The following CALCA variants were observed in gnomAD, a reference collection of about 807,000 sequenced individuals.
CALCA encodes the protein calcitonin related polypeptide alpha.
In CALCA, 4 loss-of-function variants were observed where a neutral mutation model predicts 6.9. That is an observed-to-expected ratio of 0.58 (90% CI 0.29 to 1.33). CALCA has a LOEUF of 1.33. Ranked by LOEUF, CALCA falls within the 40% of genes most tolerant of loss-of-function variation. The probability of loss-of-function intolerance (pLI) is 0.09; values close to 1 mark genes in which losing one functional copy is unlikely to be tolerated. For missense variants in CALCA, 174 were observed against 178.3 expected (o/e 0.98, Z 0.14); for synonymous variants, 78 against 70.0 (o/e 1.11, Z -0.57).
chr11:14,970,846 G>C (rs1453815756), intron 2 of CALCA, among the ~76,000 whole-genome samples: 5 of 152,176 alleles, frequency 3.3e-5, no homozygotes, highest in African/African-American at 1.2e-4. Flanking sequence ...GTTGCAGTGA[G>C]CCGACACGGT....
At chr11:14,968,209 C>T, downstream of CALCA, 1 of 360,938 alleles carries the variant, frequency 2.8e-6, no homozygotes, top group East Asian at 6.7e-5. Context: ...GCCCCATTCA[C>T]AAAGGACTAT....
At position 14,969,958 on chromosome 11, in the gene CALCA, C is replaced by T. The variant is rs782073611; in HGVS notation, c.204G>A (p.Gln68=). ...ACCTGGAGCCCTCTCTCTCTTGCTC[C>T]TGCTCCAGCTCACTGGCCTTCATCT... The part of the protein sequence containing the change: ...YVQMKASELE[Q]EQEREGSSLD... Residue 68 remains glutamine (Q), a synonymous_variant, in exon 3 of 4, where the codon CAG becomes CAA. Transcript: ENST00000331587. 9 of 1,613,420 alleles carry T rather than the reference C, an allele frequency of 5.6e-6. No homozygotes were observed. Among genetic ancestry groups the T allele is most frequent in the Non-Finnish European group, 7.6e-6 (9 of 1,180,052 alleles).
At chr11:14,971,061 T>C in intron 2 of CALCA, 46 bp downstream of exon 2, 1 of 1,509,404 alleles carries the variant, frequency 6.6e-7, no homozygotes, top group Non-Finnish European at 9.2e-7. Flanking sequence ...TTAAGAGGCA[T>C]GGAATTGTCT....
Position 14,970,086 on chromosome 11 carries a change from G to A in CALCA, c.87-11C>T. On this transcript the variant is annotated splice_polypyrimidine_tract_variant and intron_variant, in intron 2 of 3. Transcript: ENST00000331587. ...CTCTCCAGGGCAGACCTGTGGAGGG[G>A]AAGCAAACTCAGTGCAGGCTGTGAG... The A allele has an allele frequency of 2.5e-6, 4 of 1,614,144 alleles. No individual in the cohort carries two copies. Among genetic ancestry groups the A allele is most frequent in the Non-Finnish European group, 3.4e-6 (4 of 1,179,996 alleles).
chr11:14,969,417 C>A (rs1849537456), intron 3 of CALCA, among the ~76,000 whole-genome samples: 2 of 152,160 alleles, frequency 1.3e-5, no homozygotes, highest in South Asian at 4.1e-4. Context: ...AGATGCCACA[C>A]ATTTAAAGGC....
chr11:14,971,171 G>C lies in CALCA; in HGVS notation c.22C>G (p.Pro8Ala). 6.2e-7 allele frequency: 1 copy of C among 1,614,078 alleles called. No homozygotes were observed. The change falls in exon 2 of 4, where the codon CCC becomes GCC. Residue 8 changes from proline to alanine, a missense_variant. Coordinates refer to ENST00000331587, the MANE Select transcript of CALCA (RefSeq NM_001741.3). ...ACCAAGATGCTGAGAGCCAGGAAGGGGGAGAACTTTTGGAAGCCCATGACA... is the reference window on the plus strand; with the variant it reads ...ACCAAGATGCTGAGAGCCAGGAAGGCGGAGAACTTTTGGAAGCCCATGACA... MGFQKFS[P>A]FLALSILVLL...
chr11:14,970,756 C>T (rs538542182), intron 2 of CALCA, among the ~76,000 whole-genome samples: 6 of 152,010 alleles, frequency 3.9e-5, no homozygotes, highest in African/African-American at 1.2e-4. Context: ...AAAAATTAGC[C>T]GGGCATGGTG....
At chr11:14,967,557 G>C (rs543018594), downstream of CALCA, 29 of 1,207,106 alleles carry the variant, frequency 2.4e-5, no homozygotes, top group African/African-American at 3.0e-5. Flanking sequence ...ACTGGTGTGG[G>C]TACCTTCCCT....
rs1849592608 is a variant in CALCA at position 14,971,105 on chromosome 11, AC to A, written c.86+1del. 1 of 1,612,458 alleles carries A rather than the reference AC, an allele frequency of 6.2e-7. No individual in the cohort carries two copies. The highest frequency in any genetic ancestry group is 1.1e-5 in the South Asian group (1 of 91,058). On this transcript the variant is annotated splice_donor_variant, in intron 2 of 3. Coordinates refer to ENST00000331587, the MANE Select transcript of CALCA (RefSeq NM_001741.3). LOFTEE classifies it high-confidence loss of function. ...TGTGGTTCTGGCTTCAGGCTGTCTT[AC>A]CTGAATGGTGCTGCATGGAGGCTGC...
chr11:14,967,837 C>T, downstream of CALCA: 1 of 1,614,226 alleles, frequency 6.2e-7, no homozygotes, highest in South Asian at 1.1e-5. Flanking sequence ...GTCACAGGCT[C>T]TCTTCTGGGC....
intron 2 of CALCA, 84 bp from the exon 3 acceptor site, chr11:14,970,159 T>C (rs1420466724): frequency 2.5e-6 from 4 of 1,568,756 alleles, no homozygotes; most frequent in African/African-American, 2.7e-5. Context: ...TCCTGGTCTT[T>C]GCTTCTTCCC....
In CALCA at chr11:14,971,175, G is replaced by A; in HGVS notation, c.18C>T (p.Phe6=). Residue 6 remains phenylalanine (F), a synonymous_variant, in exon 2 of 4, where the codon TTC becomes TTT. Transcript: ENST00000331587. ...AGATGCTGAGAGCCAGGAAGGGGGAGAACTTTTGGAAGCCCATGACACCTC... is the reference window on the plus strand; with the variant it reads ...AGATGCTGAGAGCCAGGAAGGGGGAAAACTTTTGGAAGCCCATGACACCTC... MGFQK[F]SPFLALSILV... 1 of 1,614,044 alleles carries A rather than the reference G, an allele frequency of 6.2e-7. No individual in the cohort carries two copies. Among genetic ancestry groups the A allele is most frequent in the Non-Finnish European group, 8.5e-7 (1 of 1,179,968 alleles).
At chr11:14,968,124 A>G (rs1849499970), downstream of CALCA, 1 of 532,294 alleles carries the variant, frequency 1.9e-6, no homozygotes, top group Non-Finnish European at 3.4e-6. Flanking sequence ...GTAACAGCCA[A>G]TCTTTCCTGT....
downstream of CALCA, chr11:14,968,283 T>C (rs1173061461): frequency 2.9e-6 from 1 of 347,542 alleles, no homozygotes; most frequent in African/African-American, 2.1e-5. Flanking sequence ...AATTCCTCAG[T>C]CTTACCTGGA....
downstream of CALCA, chr11:14,968,389 C>T (rs1378762105): frequency 2.7e-6 from 3 of 1,118,924 alleles, no homozygotes; most frequent in Non-Finnish European, 3.4e-6. Context: ...AGGGACCACC[C>T]ACCATATCCT....
chr11:14,969,774 GTC>G (rs2133582631), intron 3 of CALCA, among the ~76,000 whole-genome samples, 159 bp downstream of exon 3: 1 of 152,260 alleles, frequency 6.6e-6, no homozygotes, highest in African/African-American at 2.4e-5. Flanking sequence ...TGGGACCTCT[GTC>G]TCCCTTGGAG....
In CALCA at chr11:14,968,742, A is replaced by T. The variant is rs1656775985; in HGVS notation, c.*57T>A. 6.2e-7 allele frequency: 1 copy of T among 1,613,624 alleles called. No homozygotes were observed. Among genetic ancestry groups the T allele is most frequent in the Non-Finnish European group, 8.5e-7 (1 of 1,179,832 alleles). On this transcript the variant is annotated 3_prime_UTR_variant, in exon 4 of 4. Transcript: ENST00000331587. ...AGCCACCAGAGAGGAACCAAACCAC[A>T]TGCATCAAGTTATAGGAAGGATGCA... is the stretch of plus-strand genomic sequence containing the variant.
At chr11:14,967,660 A>G (rs1555025597), downstream of CALCA, 3 of 1,613,248 alleles carry the variant, frequency 1.9e-6, no homozygotes, top group African/African-American at 4.0e-5. Context: ...ATCCCATCAT[A>G]CAAGGGCAGT....
chr11:14,967,799 C>T (rs1555025675), downstream of CALCA: 3 of 1,614,240 alleles, frequency 1.9e-6, no homozygotes, highest in East Asian at 2.2e-5. Flanking sequence ...AGCAAGCCTG[C>T]CAGCCGATGA....
Sources: allele counts gnomAD v4.1 joint callset (sites outside exome capture counted in the v4.1 genomes callset), GRCh38; gene constraint gnomAD v4.1.1; transcripts MANE v1.5; gene names NCBI Gene and HGNC (gene_info 2026-07-23, HGNC 2026-07-21).